The following DLG4 variants were observed in gnomAD, a reference collection of about 807,000 sequenced individuals.
The protein encoded by DLG4 is disks large homolog 4.
Under a neutral mutation model 93.8 loss-of-function variants are expected in DLG4, and 7 were observed. That is an observed-to-expected ratio of 0.07 (90% CI 0.04 to 0.14). The LOEUF (loss-of-function observed/expected upper bound fraction) is 0.14, where lower values mean the gene tolerates loss of function less well. Among genes scored for constraint, DLG4 ranks in the 10% least tolerant of loss-of-function variants. The pLI is 1.00. For missense variants in DLG4, 545 were observed against 992.9 expected, an observed-to-expected ratio of 0.55 and a Z score of 6.06; for synonymous variants, 341 against 387.6, an observed-to-expected ratio of 0.88 and a Z score of 1.41.
At chr17:7,210,988 G>T (rs1273784151) in intron 1 of DLG4, among the ~76,000 whole-genome samples, 1 of 151,814 alleles carries the variant, frequency 6.6e-6, no homozygotes. Context: ...TCAGGATTGG[G>T]AGGCAACATG....
rs552092721 is a variant in DLG4, at chr17:7,205,174, G to A, written c.97-922C>T. The A allele has an allele frequency of 6.1e-6, 6 of 985,414 alleles. No individual in the cohort carries two copies. The African/African-American group carries it at 8.7e-5, about 14-fold the overall frequency. 61.0% of individuals were successfully genotyped at this position (985,414 alleles called of 1,614,324 possible). ...CGCCCCTCACCCTACGCAGTGCAAA[G>A]GACGTCAGGAACTGGGAGTGGTGAA... is the stretch of plus-strand genomic sequence containing the variant. On this transcript the variant is annotated intron_variant, in intron 2 of 19. Coordinates refer to ENST00000399506, the MANE Select transcript of DLG4 (RefSeq NM_001321075.3).
rs1323476771 is a variant in DLG4 at position 7,195,694 on chromosome 17, G to A, written c.1301+526C>T. On this transcript the variant is annotated intron_variant, in intron 11 of 19. Transcript: ENST00000399506. This position sits in a 1 kb window ranked among gnomAD's most constrained non-coding sequence, Gnocchi z 4.3. ...CATGCAAGCCACAGGGCCAGACAGG[G>A]ACAGAAGTGGAGGGGTGACCCCCGG... 6.6e-6 allele frequency among the ~76,000 whole-genome samples: 1 copy of A among 152,148 alleles called. No homozygotes were observed. Among genetic ancestry groups the A allele is most frequent in the African/African-American group, 2.4e-5 (1 of 41,426 alleles).
At position 7,204,200 on chromosome 17, in the gene DLG4, T is replaced by A. The variant is rs754400138; in HGVS notation, c.149A>T (p.Tyr50Phe). Residue 50 changes from tyrosine to phenylalanine, a missense_variant and splice_region_variant, in exon 3 of 20, where the codon TAT (tyrosine) becomes TTT (phenylalanine). Physicochemically the swap from Tyr to Phe is conservative, Grantham distance 22 (BLOSUM62 3). Around this residue, in one of 5 missense-constraint regions of DLG4, gnomAD observed 49 missense variants for 80.4 expected, o/e 0.61. Transcript: ENST00000399506. ...AGCCCCAAAATCTAAACAACTCACA[T>A]ATCCTGGGGCTTCTAGGGTATCTGT... ...VNTDTLEAPG[Y>F]ELQVNGTEGE... 27 of 1,607,076 alleles carry A rather than the reference T, an allele frequency of 1.7e-5. No individual in the cohort carries two copies. The highest frequency in any genetic ancestry group is 2.3e-5 in the Non-Finnish European group (27 of 1,175,396).
In DLG4 at chr17:7,190,090, A is replaced by T. The variant is rs1019801727; in HGVS notation, c.*618T>A. The T allele has an allele frequency of 2.0e-5, 3 of 150,852 alleles. No homozygotes were observed. Among genetic ancestry groups the T allele is most frequent in the African/African-American group, 7.3e-5 (3 of 40,976 alleles). The allele number at this position is 150,852 out of a possible 1,614,324, so 9.3% of individuals were successfully genotyped here. A position where few individuals can be genotyped will look rare whatever the true frequency, so the allele number is the denominator to read the frequency against. On this transcript the variant is annotated 3_prime_UTR_variant, in exon 20 of 20. Transcript: ENST00000399506. ...AAAAATTCCCAGGAAAAAAAAAAAA[A>T]AAAGCCACATTTAGACCTTCCACTC...
intron 19 of DLG4, 62 bp from the exon 20 acceptor site, chr17:7,190,876 G>C: frequency 1.4e-6 from 2 of 1,398,254 alleles, no homozygotes; most frequent in Admixed American, 3.4e-5. Flanking sequence ...CTGGCCAAGG[G>C]GGTTGCACCA....
chr17:7,201,323 T>C (rs1176419826), intron 8 of DLG4, among the ~76,000 whole-genome samples: 2 of 152,250 alleles, frequency 1.3e-5, no homozygotes, highest in Non-Finnish European at 2.9e-5. Flanking sequence ...CTGAAATCTC[T>C]AAAGCAGTGA....
intron 8 of DLG4, among the ~76,000 whole-genome samples, chr17:7,202,381 A>T (rs1037255571): frequency 6.6e-6 from 1 of 152,232 alleles, no homozygotes; most frequent in African/African-American, 2.4e-5. Context: ...ACGTTTTAAT[A>T]TATGAATCAT....
chr17:7,206,405 G>A (rs1203214164), intron 2 of DLG4, among the ~76,000 whole-genome samples: 1 of 151,894 alleles, frequency 6.6e-6, no homozygotes, highest in Non-Finnish European at 1.5e-5. Context: ...CCCAGGTGAG[G>A]CCTTGTCCTG....
chr17:7,198,933 T>C (rs2069963734), intron 8 of DLG4, among the ~76,000 whole-genome samples: 1 of 151,684 alleles, frequency 6.6e-6, no homozygotes, highest in South Asian at 2.1e-4. Flanking sequence ...GGAGGATCGC[T>C]TGAGCCCAGG....
Position 7,191,977 on chromosome 17 carries a change from G to A in DLG4, c.1892C>T (p.Ser631Leu). Residue 631 changes from serine (S) to leucine (L), a missense_variant, in exon 18 of 20, where the codon TCG (serine) becomes TTG (leucine). By Grantham distance (145) the Ser-to-Leu change is moderately radical. This residue lies in a region of DLG4 where 428 missense variants were observed against 741.4 expected (regional missense o/e 0.58). Transcript: ENST00000399506. This position sits in a 1 kb window ranked among gnomAD's most constrained non-coding sequence, Gnocchi z 6.6. ...EQGKHCILDV[S>L]ANAVRRLQAA... is the part of the protein sequence containing the mutation. ...CTGCAGCCGCCGCACGGCATTGGCC[G>A]AGACATCGAGGATGCAGTGCTTCCC... 1 of 1,465,154 alleles carries A rather than the reference G, an allele frequency of 6.8e-7. No individual in the cohort carries two copies. The highest frequency in any genetic ancestry group is 9.0e-7 in the Non-Finnish European group (1 of 1,105,408). 90.8% of individuals were successfully genotyped at this position (1,465,154 alleles called of 1,614,324 possible).
chr17:7,194,517 G>C lies in DLG4; in HGVS notation c.1302-22C>G. 1.3e-6 allele frequency: 2 copies of C among 1,588,032 alleles called. No homozygotes were observed. The highest frequency in any genetic ancestry group is 1.7e-4 in the Middle Eastern group (1 of 5,958). On this transcript the variant is annotated intron_variant, in intron 11 of 19. Coordinates refer to ENST00000399506, the MANE Select transcript of DLG4 (RefSeq NM_001321075.3). This position sits in a 1 kb window ranked among gnomAD's most constrained non-coding sequence, Gnocchi z 4.4. ...GGCCCTGGAGGGCAAGTGGCTATCG[G>C]TCAGAGCCCAGCTGAGGACTCCAGG...
chr17:7,190,618 CG>C lies in DLG4; in HGVS notation c.*89del. ...AAATAAGAAGGGGTGGGAGGGAGGC[CG>C]GGGGGAGCCAAGGGCTTGGGCAATT... On this transcript the variant is annotated 3_prime_UTR_variant, in exon 20 of 20. Transcript: ENST00000399506. 1.4e-5 allele frequency: 14 copies of C among 1,002,568 alleles called. No homozygotes were observed. The highest frequency in any genetic ancestry group is 1.8e-5 in the Admixed American group (1 of 55,718). 62.1% of individuals were successfully genotyped at this position (1,002,568 alleles called of 1,614,324 possible).
At chr17:7,217,815 T>C (rs933603438), upstream of DLG4, 25 of 1,534,678 alleles carry the variant, frequency 1.6e-5, no homozygotes, top group Non-Finnish European at 2.0e-5. Context: ...GCAAAGACGA[T>C]GAGGCTGGAT....
At position 7,191,260 on chromosome 17, in the gene DLG4, G is replaced by A. The variant is rs201669078; in HGVS notation, c.2068+7C>T. 2.2e-4 allele frequency: 356 copies of A among 1,613,642 alleles called. 1 individual carries two copies. The highest frequency in any genetic ancestry group is 1.7e-4 in the Middle Eastern group (1 of 6,052). On this transcript the variant is annotated splice_region_variant and intron_variant, in intron 19 of 19. Coordinates refer to ENST00000399506, the MANE Select transcript of DLG4 (RefSeq NM_001321075.3). This position sits in a 1 kb window ranked among gnomAD's most constrained non-coding sequence, Gnocchi z 6.6. ...ACATGCTGGCAACAGCCTTGCTGTG[G>A]CCTCACCTGAGAAGCACTCTGTGAA...
At chr17:7,199,985 A>C (rs546060113) in intron 8 of DLG4, among the ~76,000 whole-genome samples, 12 of 151,966 alleles carry the variant, frequency 7.9e-5, no homozygotes, top group African/African-American at 2.7e-4. Flanking sequence ...GTCTCAAAAA[A>C]AAAAAAAAAA....
Position 7,203,244 on chromosome 17 carries a change from C to T in DLG4, c.591G>A (p.Gly197=). Residue 197 remains glycine (G), a synonymous_variant, in exon 7 of 20, where the codon GGG becomes GGA. Transcript: ENST00000399506. The surrounding 1 kb of genome is among the most constrained non-coding windows in gnomAD (Gnocchi z 7.2). ...NSIYVTKIIE[G]GAAHKDGRLQ... ...ACCTCCCATCCTTGTGGGCAGCACCCCCTTCGATGATCTTTGTTACATAGA... is the reference window on the plus strand; with the variant it reads ...ACCTCCCATCCTTGTGGGCAGCACCTCCTTCGATGATCTTTGTTACATAGA... The T allele has an allele frequency of 6.2e-7, 1 of 1,610,610 alleles. No homozygotes were observed. The highest frequency in any genetic ancestry group is 2.2e-5 in the East Asian group (1 of 44,748).
In DLG4 at chr17:7,196,681, C is replaced by T; in HGVS notation, c.1083+76G>A. 1 of 1,580,512 alleles carries T rather than the reference C, an allele frequency of 6.3e-7. No homozygotes were observed. Among genetic ancestry groups the T allele is most frequent in the Non-Finnish European group, 8.6e-7 (1 of 1,162,914 alleles). On this transcript the variant is annotated intron_variant, in intron 9 of 19. Coordinates refer to ENST00000399506, the MANE Select transcript of DLG4 (RefSeq NM_001321075.3). The surrounding 1 kb of genome is among the most constrained non-coding windows in gnomAD (Gnocchi z 8.3). Reference sequence around the variant, plus strand: ...CAAGAGGACTCGGCTGCAGCCCATCCAGGCCCCTCCCCAAGAGCTCTGCGC... The same window carrying T: ...CAAGAGGACTCGGCTGCAGCCCATCTAGGCCCCTCCCCAAGAGCTCTGCGC...
chr17:7,205,188 G>C lies in DLG4; in HGVS notation c.97-936C>G, dbSNP rs1035508394. On this transcript the variant is annotated intron_variant, in intron 2 of 19. Transcript: ENST00000399506. ...CGCAGTGCAAAGGACGTCAGGAACT[G>C]GGAGTGGTGAAAGACATCCGGGTCC... 1.5e-4 allele frequency: 143 copies of C among 984,226 alleles called. 1 individual carries two copies. Among genetic ancestry groups the C allele is most frequent in the Admixed American group, 1.2e-4 (2 of 16,270 alleles). The allele number at this position is 984,226 out of a possible 1,614,324, so 61.0% of individuals were successfully genotyped here. A position where few individuals can be genotyped will look rare whatever the true frequency, so the allele number is the denominator to read the frequency against.
At chr17:7,218,816 A>G, upstream of DLG4, 1 of 1,613,688 alleles carries the variant, frequency 6.2e-7, no homozygotes, top group Non-Finnish European at 8.5e-7. Flanking sequence ...CTCCACAAGG[A>G]GCCCTGTTTT....
Sources: allele counts gnomAD v4.1 joint callset (sites outside exome capture counted in the v4.1 genomes callset), GRCh38; gene constraint gnomAD v4.1.1; regional missense constraint gnomAD v4.1.1; non-coding constraint Gnocchi (gnomAD v3.1); transcripts MANE v1.5; gene names NCBI Gene and HGNC (gene_info 2026-07-23, HGNC 2026-07-21).